ATP8B4: variants seen among roughly 807,000 people sequenced by gnomAD.
ATP8B4 encodes probable phospholipid-transporting ATPase IM.
A neutral mutation model predicts 145.6 loss-of-function variants in ATP8B4; 133 were observed. The observed-to-expected ratio is 0.91, with a 90% CI of 0.79 to 1.05. The LOEUF (loss-of-function observed/expected upper bound fraction) is 1.05. Among genes scored for constraint, ATP8B4 ranks in the 50% least tolerant of loss-of-function variants. The probability of loss-of-function intolerance (pLI) is 0.00; values close to 1 mark genes in which losing one functional copy is unlikely to be tolerated. For synonymous variants in ATP8B4, 507 were observed against 492.9 expected (o/e 1.03, Z -0.38); for missense variants, 1,458 against 1,425.2 (o/e 1.02, Z -0.37).
intron 14 of ATP8B4, among the ~76,000 whole-genome samples, chr15:49,937,769 T>C (rs2041852298): frequency 6.6e-6 from 1 of 152,198 alleles, no homozygotes; most frequent in African/African-American, 2.4e-5. Flanking sequence ...AACACACATA[T>C]TGTCCAGAAT....
chr15:50,117,055 T>G (rs1013243784), intron 1 of ATP8B4, among the ~76,000 whole-genome samples: 1 of 150,852 alleles, frequency 6.6e-6, no homozygotes, highest in African/African-American at 2.5e-5. Context: ...TTTTTATTTA[T>G]TTATTTTTTT....
intron 20 of ATP8B4, 68 bp downstream of exon 20, chr15:49,916,866 A>G: frequency 1.4e-6 from 2 of 1,435,552 alleles, no homozygotes; most frequent in Non-Finnish European, 1.9e-6. Flanking sequence ...CACTTTCTCA[A>G]CTCTCTGATC....
At chr15:50,107,578 G>A (rs1264528062) in intron 1 of ATP8B4, among the ~76,000 whole-genome samples, 4 of 151,880 alleles carry the variant, frequency 2.6e-5, no homozygotes, top group African/African-American at 9.7e-5. Context: ...TCTTCACATT[G>A]TAAACTCTTA....
intron 23 of ATP8B4, among the ~76,000 whole-genome samples, chr15:49,888,712 T>C (rs1227401082): frequency 2.0e-5 from 3 of 152,176 alleles, no homozygotes; most frequent in Non-Finnish European, 4.4e-5. Context: ...GTTTCAATAA[T>C]AGATTGGGAT....
intron 1 of ATP8B4, among the ~76,000 whole-genome samples, chr15:50,127,866 C>T (rs1256954960): frequency 6.6e-6 from 1 of 152,166 alleles, no homozygotes; most frequent in Non-Finnish European, 1.5e-5. Context: ...ATATTAATTT[C>T]AGATGAACAA....
chr15:49,912,213 C>A (rs2039301200), intron 20 of ATP8B4, among the ~76,000 whole-genome samples: 1 of 151,684 alleles, frequency 6.6e-6, no homozygotes, highest in Non-Finnish European at 1.5e-5. Flanking sequence ...CTAAAAAATA[C>A]AAAGGATCAA....
At chr15:50,072,438 A>G (rs142624605) in intron 3 of ATP8B4, among the ~76,000 whole-genome samples, 2 of 152,176 alleles carry the variant, frequency 1.3e-5, no homozygotes, top group African/African-American at 4.8e-5. Flanking sequence ...AAGGCCCATG[A>G]TGTAATTCAT....
intron 16 of ATP8B4, among the ~76,000 whole-genome samples, chr15:49,926,040 C>CT (rs1246861939): frequency 2.0e-5 from 3 of 151,800 alleles, no homozygotes; most frequent in Non-Finnish European, 2.9e-5. Context: ...TACTTGGGGT[C>CT]TTTTTTTTAT....
At chr15:49,942,340 C>T (rs1599305707) in intron 14 of ATP8B4, among the ~76,000 whole-genome samples, 2 of 151,928 alleles carry the variant, frequency 1.3e-5, no homozygotes, top group South Asian at 4.1e-4. Context: ...CCAAACATTT[C>T]CTCCTTAATT....
chr15:50,129,203 G>C (rs758021832), intron 1 of ATP8B4, among the ~76,000 whole-genome samples: 1 of 151,944 alleles, frequency 6.6e-6, no homozygotes, highest in Non-Finnish European at 1.5e-5. Flanking sequence ...TTGTTATCTT[G>C]AGGAGTCAAA....
At chr15:50,023,779 C>CAAAAAAAAAAAAAAAAAAAAAAAAAAGAA (rs60030651) in intron 6 of ATP8B4, among the ~76,000 whole-genome samples, 6 of 75,036 alleles carry the variant, frequency 8.0e-5, no homozygotes, top group Admixed American at 1.5e-4. Flanking sequence ...AGACCAAAGG[C>CAAAAAAAAAAAAAAAAAAAAAAAAAAGAA]AAAAAAAAAA....
intron 8 of ATP8B4, among the ~76,000 whole-genome samples, chr15:49,999,523 T>G (rs1446207074): frequency 6.6e-6 from 1 of 151,950 alleles, no homozygotes; most frequent in East Asian, 1.9e-4. Context: ...ACCCTAAAAC[T>G]TAAAGTATAA....
intron 16 of ATP8B4, among the ~76,000 whole-genome samples, chr15:49,929,329 T>C (rs969445492): frequency 6.6e-6 from 1 of 152,136 alleles, no homozygotes; most frequent in African/African-American, 2.4e-5. Flanking sequence ...GCATGTTACA[T>C]GCAGTTGCAA....
At chr15:49,982,640 C>T (rs2046261071) in intron 10 of ATP8B4, 1 of 152,110 alleles carries the variant, frequency 6.6e-6, no homozygotes, top group Non-Finnish European at 1.5e-5. Flanking sequence ...CAGTTAGGTG[C>T]TGAAAATGTA....
intron 4 of ATP8B4, among the ~76,000 whole-genome samples, chr15:50,046,643 G>A (rs1486489720): frequency 2.0e-5 from 3 of 152,174 alleles, no homozygotes; most frequent in Admixed American, 2.0e-4. Flanking sequence ...TGACCTACCA[G>A]TTTGATCTGC....
At chr15:49,990,129 C>T (rs1204999564) in intron 9 of ATP8B4, among the ~76,000 whole-genome samples, 2 of 151,948 alleles carry the variant, frequency 1.3e-5, no homozygotes, top group African/African-American at 2.4e-5. Context: ...TAAAGGGAGT[C>T]GAGTAGATCT....
At chr15:49,867,943 G>A (rs542841424) in intron 25 of ATP8B4, among the ~76,000 whole-genome samples, 8 of 152,232 alleles carry the variant, frequency 5.3e-5, no homozygotes, top group African/African-American at 1.9e-4. Context: ...AAGACTTGGA[G>A]ACATGGAAAC....
chr15:50,082,832 G>T (rs1341292315), intron 2 of ATP8B4, among the ~76,000 whole-genome samples: 3 of 152,164 alleles, frequency 2.0e-5, no homozygotes, highest in African/African-American at 7.2e-5. Flanking sequence ...TTAATCCTCA[G>T]AACAATCCCA....
intron 1 of ATP8B4, among the ~76,000 whole-genome samples, chr15:50,170,356 G>C (rs1280992728): frequency 6.6e-6 from 1 of 152,166 alleles, no homozygotes; most frequent in Non-Finnish European, 1.5e-5. Flanking sequence ...AGAAAGGATT[G>C]GGGACTTATC....
Sources: gnomAD v4.1 joint callset for allele counts (sites outside exome capture counted in the v4.1 genomes callset) on GRCh38, gnomAD v4.1.1 for gene constraint, MANE v1.5 for transcripts, NCBI Gene and HGNC (gene_info 2026-07-23, HGNC 2026-07-21) for gene names.